Variants in SIL1 observed in about 807,000 individuals in gnomAD.
The protein encoded by SIL1 is nucleotide exchange factor SIL1.
Under a neutral mutation model 49.1 loss-of-function variants are expected in SIL1, and 40 were observed. The ratio of observed to expected loss-of-function variants is 0.81; its 90% CI spans 0.63 to 1.06. The LOEUF (loss-of-function observed/expected upper bound fraction) is 1.06. Ranked by LOEUF, SIL1 falls within the 50% of genes least tolerant of loss-of-function variation. The pLI, the probability that SIL1 is intolerant of heterozygous loss-of-function variation, is 0.00. For synonymous variants in SIL1, 253 were observed against 250.8 expected, an observed-to-expected ratio of 1.01 and a Z score of -0.08; for missense variants, 500 against 572.6, an observed-to-expected ratio of 0.87 and a Z score of 1.29.
At chr5:139,129,289 C>A (rs1180345338) in intron 1 of SIL1, among the ~76,000 whole-genome samples, 1 of 152,166 alleles carries the variant, frequency 6.6e-6, no homozygotes, top group African/African-American at 2.4e-5. Context: ...GAAATAATCT[C>A]ATATATGGCC....
At chr5:139,188,214 T>C (rs965969629) in intron 1 of SIL1, among the ~76,000 whole-genome samples, 3 of 152,186 alleles carry the variant, frequency 2.0e-5, no homozygotes, top group Non-Finnish European at 4.4e-5. Context: ...GGCAGTGGTA[T>C]ATAGTGTCCT....
intron 7 of SIL1, among the ~76,000 whole-genome samples, chr5:138,968,345 A>G (rs951666638): frequency 1.3e-5 from 2 of 152,140 alleles, no homozygotes; most frequent in Non-Finnish European, 2.9e-5. Context: ...TCTGCTGAAA[A>G]TGACCCTGTT....
chr5:138,968,155 A>G (rs1046286967), intron 7 of SIL1, among the ~76,000 whole-genome samples: 2 of 152,154 alleles, frequency 1.3e-5, no homozygotes, highest in African/African-American at 4.8e-5. Context: ...AGGAAGAGTC[A>G]GCATAGCAGG....
intron 3 of SIL1, among the ~76,000 whole-genome samples, chr5:139,092,478 T>C (rs1770362818): frequency 6.6e-6 from 1 of 152,202 alleles, no homozygotes; most frequent in African/African-American, 2.4e-5. Flanking sequence ...GCCTCTTCCT[T>C]GAGACAGGCG....
chr5:138,985,334 C>T (rs879596005), intron 7 of SIL1, among the ~76,000 whole-genome samples: 5 of 152,202 alleles, frequency 3.3e-5, no homozygotes, highest in African/African-American at 7.2e-5. Context: ...AGCGATTCCA[C>T]AGGAAAACAC....
chr5:139,133,427 T>A (rs1188086451), intron 1 of SIL1: 1 of 152,274 alleles, frequency 6.6e-6, no homozygotes, highest in East Asian at 1.9e-4. Context: ...CAGTGCCTCA[T>A]GTCTTCCACA....
chr5:139,164,940 T>G (rs928081244), intron 1 of SIL1, among the ~76,000 whole-genome samples: 1 of 152,176 alleles, frequency 6.6e-6, no homozygotes, highest in African/African-American at 2.4e-5. Context: ...TAAAAATATT[T>G]TACCCCAAAA....
At chr5:139,127,704 C>A in intron 2 of SIL1, 35 bp downstream of exon 2, 1 of 1,559,238 alleles carries the variant, frequency 6.4e-7, no homozygotes, top group South Asian at 1.2e-5. Flanking sequence ...AAGACCTCAT[C>A]AAGGGTCCCT....
chr5:139,138,978 G>T (rs187337049), intron 1 of SIL1, among the ~76,000 whole-genome samples: 28 of 152,300 alleles, frequency 1.8e-4, no homozygotes, highest in African/African-American at 6.3e-4. Flanking sequence ...CTCTGCATCA[G>T]TGCCAGCTGA....
chr5:139,080,123 C>T (rs1770040884), intron 3 of SIL1, among the ~76,000 whole-genome samples: 1 of 152,170 alleles, frequency 6.6e-6, no homozygotes, highest in East Asian at 1.9e-4. Flanking sequence ...ATGTATTTTT[C>T]TCCAAATAAA....
chr5:139,091,225 A>T (rs933081475), intron 3 of SIL1, among the ~76,000 whole-genome samples: 1 of 152,170 alleles, frequency 6.6e-6, no homozygotes, highest in African/African-American at 2.4e-5. Context: ...CAAAAATAAA[A>T]AGTTTTATAA....
chr5:139,185,719 G>A (rs1752066627), intron 1 of SIL1, among the ~76,000 whole-genome samples: 2 of 152,186 alleles, frequency 1.3e-5, no homozygotes, highest in Non-Finnish European at 2.9e-5. Flanking sequence ...CATGTAGTCT[G>A]CCCGAGATAT....
At chr5:139,073,081 G>T (rs1248252560) in intron 3 of SIL1, among the ~76,000 whole-genome samples, 1 of 152,196 alleles carries the variant, frequency 6.6e-6, no homozygotes, top group African/African-American at 2.4e-5. Context: ...GTACAGAAAA[G>T]AGAAGCTTTG....
chr5:139,145,391 T>C (rs1751171669), intron 1 of SIL1, among the ~76,000 whole-genome samples: 1 of 152,224 alleles, frequency 6.6e-6, no homozygotes, highest in Non-Finnish European at 1.5e-5. Context: ...TATAAAATGT[T>C]GCAGCTGCTA....
chr5:139,125,059 C>T (rs1402282693), intron 2 of SIL1, among the ~76,000 whole-genome samples: 1 of 152,236 alleles, frequency 6.6e-6, no homozygotes, highest in Non-Finnish European at 1.5e-5. Context: ...CATGCCCTTC[C>T]TCGGCAAAGA....
In SIL1 at chr5:138,946,771, A is replaced by G; in HGVS notation, c.*346T>C. 3.0e-6 allele frequency: 1 copy of G among 328,290 alleles called. No homozygotes were observed. The allele number at this position is 328,290 out of a possible 1,614,324, so 20.3% of individuals were successfully genotyped here. On this transcript the variant is annotated 3_prime_UTR_variant, in exon 10 of 10. Transcript: ENST00000394817. ...GGCACTCCTGACAGATGAGGAAACA[A>G]GCTCAGAGCAATTAAGCGACTTCCC...
chr5:139,092,079 G>A (rs1021632101), intron 3 of SIL1, among the ~76,000 whole-genome samples: 3 of 152,200 alleles, frequency 2.0e-5, no homozygotes, highest in African/African-American at 7.2e-5. Context: ...TCCAACGGGA[G>A]TATGGGAGCA....
At chr5:139,034,855 C>T (rs1768867488) in intron 5 of SIL1, among the ~76,000 whole-genome samples, 1 of 152,190 alleles carries the variant, frequency 6.6e-6, no homozygotes, top group Admixed American at 6.5e-5. Context: ...CTGTTTTCCA[C>T]AATGTGGAAT....
intron 1 of SIL1, 47 bp from the exon 2 acceptor site, chr5:139,127,900 C>G (rs1431632310): frequency 8.3e-7 from 1 of 1,204,280 alleles, no homozygotes. Flanking sequence ...AAAGCTAATG[C>G]TTGGTTCCCC....
Sources: gnomAD v4.1 joint callset for allele counts (sites outside exome capture counted in the v4.1 genomes callset) on GRCh38, gnomAD v4.1.1 for gene constraint, MANE v1.5 for transcripts, NCBI Gene and HGNC (gene_info 2026-07-23, HGNC 2026-07-21) for gene names.